The following EXOC2 variants were observed in gnomAD, a reference collection of about 807,000 sequenced individuals.
EXOC2 encodes exocyst complex component 2.
In EXOC2, 70 loss-of-function variants were observed where a neutral mutation model predicts 131.8. That is an observed-to-expected ratio of 0.53 (90% CI 0.44 to 0.65). EXOC2 has a LOEUF of 0.65. Among genes scored for constraint, EXOC2 ranks in the 30% least tolerant of loss-of-function variants. The pLI, the probability that EXOC2 is intolerant of heterozygous loss-of-function variation, is 0.00. For missense variants in EXOC2, 923 were observed against 1,108.6 expected, an observed-to-expected ratio of 0.83 and a Z score of 2.38; for synonymous variants, 411 against 398.4, an observed-to-expected ratio of 1.03 and a Z score of -0.38.
chr6:540,284 T>C (rs575969033), intron 22 of EXOC2, among the ~76,000 whole-genome samples: 1 of 152,312 alleles, frequency 6.6e-6, no homozygotes, highest in South Asian at 2.1e-4. Flanking sequence ...GTTAGTCACC[T>C]CACATCCTAT....
intron 27 of EXOC2, among the ~76,000 whole-genome samples, chr6:488,634 T>C (rs1421957050): frequency 6.6e-6 from 1 of 152,196 alleles, no homozygotes; most frequent in African/African-American, 2.4e-5. Flanking sequence ...TCTTCTTTTT[T>C]CCATTACTTC....
At position 486,662 on chromosome 6, in the gene EXOC2, G is replaced by C. The variant is rs2127460512; in HGVS notation, c.*9C>G. 6.2e-7 allele frequency: 1 copy of C among 1,611,504 alleles called. No individual in the cohort carries two copies. The highest frequency in any genetic ancestry group is 1.3e-5 in the African/African-American group (1 of 74,978). On this transcript the variant is annotated 3_prime_UTR_variant, in exon 28 of 28. Transcript: ENST00000230449. ...TTATTTTCCTGGACTTCTTTTATGTGGCAGATATTTATGTTTTCATCATGG... is the reference window on the plus strand; with the variant it reads ...TTATTTTCCTGGACTTCTTTTATGTCGCAGATATTTATGTTTTCATCATGG...
intron 7 of EXOC2, among the ~76,000 whole-genome samples, chr6:605,481 C>T (rs147962820): frequency 0.089 from 13,613 of 152,134 alleles, 1,034 homozygotes; most frequent in African/African-American, 0.21. Context: ...TTTTCTAGTT[C>T]ATTTGCGTAG....
chr6:573,566 G>C (rs984313360), intron 12 of EXOC2, among the ~76,000 whole-genome samples: 5 of 152,122 alleles, frequency 3.3e-5, no homozygotes, highest in South Asian at 2.1e-4. Flanking sequence ...CCTGGGCCAG[G>C]CTAATTGCTA....
intron 18 of EXOC2, 72 bp from the exon 19 acceptor site, chr6:556,085 T>A: frequency 1.4e-6 from 2 of 1,408,266 alleles, no homozygotes; most frequent in Non-Finnish European, 2.0e-6. Context: ...AAGTTAGATA[T>A]GAACAGTTAA....
chr6:540,534 A>G (rs551945732), intron 22 of EXOC2, among the ~76,000 whole-genome samples: 1 of 152,344 alleles, frequency 6.6e-6, no homozygotes, highest in East Asian at 1.9e-4. Context: ...ACATTTCAAT[A>G]CACAGTAAAT....
At chr6:609,572 T>C (rs1012284564) in intron 7 of EXOC2, among the ~76,000 whole-genome samples, 1 of 152,204 alleles carries the variant, frequency 6.6e-6, no homozygotes, top group African/African-American at 2.4e-5. Flanking sequence ...ATAGCCATTT[T>C]CCCTGGGCCT....
At chr6:668,953 A>G (rs1419289279) in intron 1 of EXOC2, 1 of 152,190 alleles carries the variant, frequency 6.6e-6, no homozygotes, top group Non-Finnish European at 1.5e-5. Context: ...TGCAGAACCC[A>G]TGGATATGGA....
intron 23 of EXOC2, chr6:525,711 TAA>T (rs1765699528): frequency 6.6e-6 from 1 of 152,218 alleles, no homozygotes; most frequent in African/African-American, 2.4e-5. Context: ...AGTAGAAAAT[TAA>T]AGTTTTCTAG....
At chr6:575,065 A>T (rs1486109193) in intron 12 of EXOC2, among the ~76,000 whole-genome samples, 1 of 152,256 alleles carries the variant, frequency 6.6e-6, no homozygotes, top group African/African-American at 2.4e-5. Context: ...TCATGTTGAA[A>T]TGTGATCCCC....
intron 12 of EXOC2, among the ~76,000 whole-genome samples, chr6:572,980 G>A (rs1320195765): frequency 3.9e-5 from 6 of 152,202 alleles, no homozygotes; most frequent in Non-Finnish European, 7.3e-5. Context: ...TTGTCCTCTG[G>A]ATAGTAAACG....
chr6:591,216 CA>C (rs1240207627), intron 11 of EXOC2, among the ~76,000 whole-genome samples: 1 of 152,198 alleles, frequency 6.6e-6, no homozygotes, highest in African/African-American at 2.4e-5. Flanking sequence ...TATGGGCGGC[CA>C]GAGTCGTCAT....
intron 1 of EXOC2, among the ~76,000 whole-genome samples, chr6:660,906 T>G (rs1408057381): frequency 6.6e-6 from 1 of 151,770 alleles, no homozygotes; most frequent in Non-Finnish European, 1.5e-5. Flanking sequence ...AAATAAACAA[T>G]ACAAAAAGTA....
At chr6:553,741 A>C (rs1757270828) in intron 21 of EXOC2, 113 bp downstream of exon 21, 1 of 785,074 alleles carries the variant, frequency 1.3e-6, no homozygotes, top group Non-Finnish European at 2.2e-6. Flanking sequence ...AGCACAGCAC[A>C]GTGTCCTATA....
chr6:516,920 G>A (rs545910636), intron 23 of EXOC2, among the ~76,000 whole-genome samples: 11 of 152,276 alleles, frequency 7.2e-5, no homozygotes, highest in Admixed American at 1.3e-4. Context: ...CCTCACTGAC[G>A]GAGAGACCAC....
At chr6:587,737 G>A (rs550289100) in intron 11 of EXOC2, among the ~76,000 whole-genome samples, 3 of 152,320 alleles carry the variant, frequency 2.0e-5, no homozygotes, top group African/African-American at 4.8e-5. Flanking sequence ...CCTGTGCACT[G>A]AGTATCAGCT....
At chr6:597,676 C>A (rs1012530511) in intron 10 of EXOC2, among the ~76,000 whole-genome samples, 10 of 152,152 alleles carry the variant, frequency 6.6e-5, no homozygotes, top group Non-Finnish European at 1.3e-4. Context: ...TGCTTTAAGC[C>A]ATGCAGGGAG....
At chr6:516,261 T>A (rs1292035152) in intron 23 of EXOC2, among the ~76,000 whole-genome samples, 2 of 152,176 alleles carry the variant, frequency 1.3e-5, no homozygotes, top group African/African-American at 4.8e-5. Flanking sequence ...AATACGCATT[T>A]CTAACTGTGA....
chr6:629,243 C>T (rs1442062581), intron 4 of EXOC2, among the ~76,000 whole-genome samples: 3 of 151,986 alleles, frequency 2.0e-5, no homozygotes, highest in Non-Finnish European at 2.9e-5. Context: ...AAATTAGCTG[C>T]GATTAACACA....
Sources: gnomAD v4.1 joint callset for allele counts (sites outside exome capture counted in the v4.1 genomes callset) on GRCh38, gnomAD v4.1.1 for gene constraint, MANE v1.5 for transcripts, NCBI Gene and HGNC (gene_info 2026-07-23, HGNC 2026-07-21) for gene names.